Variants in NLGN1 observed in about 807,000 individuals in gnomAD.
NLGN1 encodes the protein neuroligin-1.
NLGN1 carries 12 observed loss-of-function variants against 65.5 expected under a neutral mutation model. That is an observed-to-expected ratio of 0.18 (90% CI 0.12 to 0.30). The LOEUF is 0.30. NLGN1 is among the 10% of genes least tolerant of loss of function. The probability of loss-of-function intolerance (pLI) is 1.00; values close to 1 mark genes in which losing one functional copy is unlikely to be tolerated. For missense variants in NLGN1, 750 were observed against 1,007.1 expected, an observed-to-expected ratio of 0.74 and a Z score of 3.46; for synonymous variants, 350 against 359.5, an observed-to-expected ratio of 0.97 and a Z score of 0.30.
chr3:173,545,069 G>GT (rs112167290), intron 2 of NLGN1, among the ~76,000 whole-genome samples: 23 of 150,600 alleles, frequency 1.5e-4, no homozygotes, highest in African/African-American at 5.1e-4. Flanking sequence ...TGTTTTTTTT[G>GT]TTTGTTTTGT....
At chr3:174,104,365 T>C (rs564267527) in intron 4 of NLGN1, among the ~76,000 whole-genome samples, 2 of 152,300 alleles carry the variant, frequency 1.3e-5, no homozygotes, top group Non-Finnish European at 2.9e-5. Context: ...GCTATATTTA[T>C]ACTATGATTC....
chr3:174,237,426 T>C (rs1006190813), intron 4 of NLGN1, among the ~76,000 whole-genome samples: 2 of 152,238 alleles, frequency 1.3e-5, no homozygotes, highest in South Asian at 2.1e-4. Flanking sequence ...AAATTCTTGC[T>C]TTTGATTCAT....
At chr3:173,680,698 T>A (rs760815056) in intron 3 of NLGN1, among the ~76,000 whole-genome samples, 3 of 152,188 alleles carry the variant, frequency 2.0e-5, no homozygotes, top group Non-Finnish European at 4.4e-5. Context: ...GTTAATGACA[T>A]GTAGTTAAAG....
chr3:173,496,346 A>T (rs1730027588), intron 2 of NLGN1, among the ~76,000 whole-genome samples: 1 of 151,932 alleles, frequency 6.6e-6, no homozygotes, highest in Non-Finnish European at 1.5e-5. Flanking sequence ...AGGTTAGATT[A>T]CTAAATATTT....
chr3:173,811,025 G>C (rs1471402250), intron 4 of NLGN1, among the ~76,000 whole-genome samples: 2 of 152,164 alleles, frequency 1.3e-5, no homozygotes, highest in African/African-American at 4.8e-5. Context: ...TCATGTTAGA[G>C]CTCCTGGCGA....
intron 2 of NLGN1, among the ~76,000 whole-genome samples, chr3:173,477,224 C>T (rs1160077605): frequency 6.6e-6 from 1 of 151,900 alleles, no homozygotes; most frequent in Non-Finnish European, 1.5e-5. Flanking sequence ...AAGGTGAAGC[C>T]ATGAAAAGTG....
intron 4 of NLGN1, among the ~76,000 whole-genome samples, chr3:173,928,349 A>G (rs1029205823): frequency 6.6e-6 from 1 of 152,176 alleles, no homozygotes; most frequent in East Asian, 1.9e-4. Context: ...TGTGTGGTAC[A>G]TTATCTTCTG....
In NLGN1 at chr3:173,419,229, A is replaced by G. The variant is rs192124064; in HGVS notation, c.-389-15781A>G. 6.0e-4 allele frequency among the ~76,000 whole-genome samples: 90 copies of G among 151,228 alleles called. 2 individuals carry two copies. The Middle Eastern group carries it at 0.024, about 40-fold the overall frequency. On this transcript the variant is annotated intron_variant, in intron 1 of 6. Transcript: ENST00000457714. ...TCTTACAGACAAAGTACATGAGTAT[A>G]CATTGGTTTTAGGGTGAGGGGGCTT... is the stretch of plus-strand genomic sequence containing the variant.
At chr3:173,653,108 GA>G (rs1759475245) in intron 3 of NLGN1, among the ~76,000 whole-genome samples, 1 of 152,106 alleles carries the variant, frequency 6.6e-6, no homozygotes, top group Non-Finnish European at 1.5e-5. Context: ...AAACTTCACT[GA>G]ATTTATTTAT....
chr3:173,680,842 A>G (rs1763849924), intron 3 of NLGN1, among the ~76,000 whole-genome samples: 1 of 152,316 alleles, frequency 6.6e-6, no homozygotes, highest in South Asian at 2.1e-4. Flanking sequence ...TGAACAAAGA[A>G]CTAATGCAAA....
At chr3:174,271,227 C>A (rs922862057) in intron 4 of NLGN1, among the ~76,000 whole-genome samples, 3 of 151,782 alleles carry the variant, frequency 2.0e-5, no homozygotes, top group African/African-American at 7.2e-5. Context: ...GAAGGAAGCA[C>A]AGCTACAGTA....
At chr3:174,026,245 G>T (rs1728806068) in intron 4 of NLGN1, among the ~76,000 whole-genome samples, 1 of 151,980 alleles carries the variant, frequency 6.6e-6, no homozygotes. Context: ...TTCTCCCTCA[G>T]CCCCACAAGC....
intron 1 of NLGN1, among the ~76,000 whole-genome samples, chr3:173,429,581 G>A (rs1716815900): frequency 6.6e-6 from 1 of 152,088 alleles, no homozygotes; most frequent in Non-Finnish European, 1.5e-5. Context: ...TTGCTTTCAA[G>A]GTTTAGTTAT....
intron 4 of NLGN1, among the ~76,000 whole-genome samples, chr3:174,244,797 A>G (rs1244810877): frequency 6.6e-6 from 1 of 152,224 alleles, no homozygotes; most frequent in Non-Finnish European, 1.5e-5. Context: ...TGAGCACTCC[A>G]GAGGCCGCCT....
chr3:173,565,519 C>G (rs1262142507), intron 2 of NLGN1, among the ~76,000 whole-genome samples: 1 of 152,116 alleles, frequency 6.6e-6, no homozygotes, highest in African/African-American at 2.4e-5. Flanking sequence ...ATATCTACTT[C>G]TAATAATTAT....
intron 3 of NLGN1, among the ~76,000 whole-genome samples, chr3:173,667,258 C>CACACACACACACACAT (rs1263672564): frequency 6.6e-6 from 1 of 151,916 alleles, no homozygotes; most frequent in African/African-American, 2.4e-5. Context: ...CACACACACA[C>CACACACACACACACAT]ACACACACAC....
chr3:174,137,354 A>G (rs1721400909), intron 4 of NLGN1, among the ~76,000 whole-genome samples: 1 of 152,262 alleles, frequency 6.6e-6, no homozygotes, highest in East Asian at 1.9e-4. Flanking sequence ...AAATTCTAAT[A>G]TTAGGATTGG....
At chr3:173,744,795 A>G (rs1194569372) in intron 3 of NLGN1, among the ~76,000 whole-genome samples, 4 of 151,358 alleles carry the variant, frequency 2.6e-5, no homozygotes, top group Non-Finnish European at 4.4e-5. Context: ...GAGGCCACTG[A>G]TTGGCAGTGG....
At chr3:173,698,772 C>A (rs1766639593) in intron 3 of NLGN1, among the ~76,000 whole-genome samples, 1 of 151,990 alleles carries the variant, frequency 6.6e-6, no homozygotes, top group African/African-American at 2.4e-5. Flanking sequence ...ACATTATCTG[C>A]CTATTTGGAG....
Sources: allele counts gnomAD v4.1 joint callset (sites outside exome capture counted in the v4.1 genomes callset), GRCh38; gene constraint gnomAD v4.1.1; transcripts MANE v1.5; gene names NCBI Gene and HGNC (gene_info 2026-07-23, HGNC 2026-07-21).